Variants in TUBB3 observed in about 807,000 individuals in gnomAD.
The protein encoded by TUBB3 is tubulin beta-3 chain.
TUBB3 carries 17 observed loss-of-function variants against 37.8 expected under a neutral mutation model. That is an observed-to-expected ratio of 0.45 (90% CI 0.31 to 0.67). TUBB3 has a LOEUF of 0.67. Among genes scored for constraint, TUBB3 ranks in the 30% least tolerant of loss-of-function variants. The probability of loss-of-function intolerance (pLI) is 0.07; values close to 1 mark genes in which losing one functional copy is unlikely to be tolerated. For missense variants in TUBB3, 262 were observed against 657.9 expected (o/e 0.40, Z 6.58); for synonymous variants, 332 against 278.9 (o/e 1.19, Z -1.90).
intron 1 of TUBB3, among the ~76,000 whole-genome samples, chr16:89,929,182 T>C (rs1017765186): frequency 1.3e-5 from 2 of 151,410 alleles, no homozygotes; most frequent in South Asian, 4.2e-4. Flanking sequence ...AGGTTGGTCC[T>C]GAACTCCTGA....
chr16:89,934,218 C>T (rs1182295810), intron 3 of TUBB3: 19 of 411,830 alleles, frequency 4.6e-5, no homozygotes, highest in African/African-American at 2.9e-4. Context: ...ATGCCTGTGT[C>T]CTGGGGCGGG....
chr16:89,928,729 C>T (rs1396965369), intron 1 of TUBB3, among the ~76,000 whole-genome samples: 1 of 151,850 alleles, frequency 6.6e-6, no homozygotes, highest in East Asian at 1.9e-4. Flanking sequence ...TTTCACTGTG[C>T]CAGCCAGGAT....
chr16:89,931,930 G>T (rs985852946), intron 1 of TUBB3: 7 of 344,782 alleles, frequency 2.0e-5, no homozygotes, highest in African/African-American at 1.5e-4. Flanking sequence ...GACAGGCTGG[G>T]TGACCTCAGG....
At chr16:89,926,758 C>T (rs1406208590) in intron 1 of TUBB3, among the ~76,000 whole-genome samples, 2 of 151,638 alleles carry the variant, frequency 1.3e-5, no homozygotes. Context: ...GCTCTTGTTG[C>T]CCAGGCTGGA....
At chr16:89,923,575 C>A in intron 1 of TUBB3, 117 bp downstream of exon 1, 1 of 991,366 alleles carries the variant, frequency 1.0e-6, no homozygotes, top group Non-Finnish European at 1.3e-6. Context: ...CAAAGGGATG[C>A]GCCCAGCGCC....
intron 3 of TUBB3, chr16:89,934,267 G>T (rs565873803): frequency 2.2e-6 from 1 of 463,396 alleles, no homozygotes; most frequent in Non-Finnish European, 4.3e-6. Context: ...GTCCTGGGGC[G>T]GGGCCGTGGA....
At chr16:89,929,405 C>T (rs1256304738) in intron 1 of TUBB3, among the ~76,000 whole-genome samples, 1 of 152,142 alleles carries the variant, frequency 6.6e-6, no homozygotes, top group Non-Finnish European at 1.5e-5. Context: ...TGAACGGGCA[C>T]CTCTGATAAC....
rs990653226 is a variant in TUBB3, at chr16:89,931,311, T to C, written c.58-1260T>C. Among the ~76,000 whole-genome samples the C allele has an allele frequency of 3.9e-5, 6 of 152,358 alleles. No individual in the cohort carries two copies. In the East Asian group the frequency reaches 7.7e-4, roughly 20 times the overall value. ...TTCTTGAGGAATCTTCTGCAGCACA[T>C]GACTCACATGTAGAGCCCCTTGTTT... On this transcript the variant is annotated intron_variant, in intron 1 of 3. Coordinates refer to ENST00000315491, the MANE Select transcript of TUBB3 (RefSeq NM_006086.4).
chr16:89,934,591 C>A, intron 3 of TUBB3, 138 bp from the exon 4 acceptor site: 2 of 848,306 alleles, frequency 2.4e-6, no homozygotes, highest in South Asian at 1.6e-5. Flanking sequence ...AGAAGGGGTG[C>A]TCAGTGGGGC....
chr16:89,931,921 A>T, intron 1 of TUBB3: 1 of 359,778 alleles, frequency 2.8e-6, no homozygotes, highest in South Asian at 2.0e-5. Context: ...CCTCACACGG[A>T]CAGGCTGGGT....
At chr16:89,923,074 C>T (rs2029941121), upstream of TUBB3, among the ~76,000 whole-genome samples, 1 of 152,200 alleles carries the variant, frequency 6.6e-6, no homozygotes, top group African/African-American at 2.4e-5. Flanking sequence ...TCCCTGGAGC[C>T]CGGCGCCCCC....
In TUBB3 at chr16:89,933,597, A is replaced by G. The variant is rs2030346663; in HGVS notation, c.277+19A>G. The G allele has an allele frequency of 6.3e-7, 1 of 1,596,136 alleles. No homozygotes were observed. The highest frequency in any genetic ancestry group is 8.6e-7 in the Non-Finnish European group (1 of 1,163,746). On this transcript the variant is annotated intron_variant, in intron 3 of 3. Coordinates refer to ENST00000315491, the MANE Select transcript of TUBB3 (RefSeq NM_006086.4). Reference sequence around the variant, plus strand: ...ATCTTTGGTAAGTTCCCCCTGCTCCAAGCTCTGATGGCAGACCCCATCACA... The same window carrying G: ...ATCTTTGGTAAGTTCCCCCTGCTCCGAGCTCTGATGGCAGACCCCATCACA...
Position 89,935,753 on chromosome 16 carries a change from C to A in TUBB3, c.1302C>A (p.Gly434=), listed in dbSNP as rs765237258. 1.9e-6 allele frequency: 3 copies of A among 1,613,798 alleles called. 1 individual carries two copies. In the East Asian group the frequency reaches 6.7e-5, roughly 36 times the overall value. ...QYQDATAEEE[G]EMYEDDEEES... is the part of the protein sequence containing the mutation. ...AGGACGCCACGGCCGAGGAAGAGGG[C>A]GAGATGTACGAAGACGACGAGGAGG... Residue 434 remains glycine, a synonymous_variant, in exon 4 of 4, where the codon GGC becomes GGA. Coordinates refer to ENST00000315491, the MANE Select transcript of TUBB3 (RefSeq NM_006086.4).
chr16:89,935,847 C>G lies in TUBB3; in HGVS notation c.*43C>G. On this transcript the variant is annotated 3_prime_UTR_variant, in exon 4 of 4. Transcript: ENST00000315491. ...GTGAGAGGCAGGTGGCGGCCGGGGC[C>G]GAAGCCAGCAGTGTCTAAACCCCCG... is the stretch of plus-strand genomic sequence containing the variant. 2 of 1,585,058 alleles carry G rather than the reference C, an allele frequency of 1.3e-6. No homozygotes were observed. Among genetic ancestry groups the G allele is most frequent in the Non-Finnish European group, 1.7e-6 (2 of 1,165,190 alleles).
rs189432424 is a variant in TUBB3 at position 89,933,884 on chromosome 16, C to G, written c.277+306C>G. On this transcript the variant is annotated intron_variant, in intron 3 of 3. Transcript: ENST00000315491. ...CAGAGGACTCCGGGGTCCAGGAGCA[C>G]GAGGCCTTGCTGCGGTCAAGAGATC... 7.5e-6 allele frequency: 5 copies of G among 665,814 alleles called. No homozygotes were observed. The East Asian group carries it at 1.4e-4, about 18-fold the overall frequency. The allele number at this position is 665,814 out of a possible 1,614,324, so 41.2% of individuals were successfully genotyped here.
chr16:89,922,959 GA>G (rs1213859133), upstream of TUBB3, among the ~76,000 whole-genome samples: 2 of 152,200 alleles, frequency 1.3e-5, no homozygotes, highest in East Asian at 3.8e-4. Context: ...CCGGCGTGGG[GA>G]AAAAAGACCC....
chr16:89,935,594 C>T lies in TUBB3; in HGVS notation c.1143C>T (p.Ile381=). The part of the protein sequence containing the change: ...STAIQELFKR[I]SEQFTAMFRR... The stretch of plus-strand genomic sequence containing the variant: ...CCATCCAGGAGCTGTTCAAGCGCAT[C>T]TCCGAGCAGTTCACGGCCATGTTCC... Residue 381 remains isoleucine (I), a synonymous_variant, in exon 4 of 4, where the codon ATC becomes ATT. Transcript: ENST00000315491. 1 of 1,613,996 alleles carries T rather than the reference C, an allele frequency of 6.2e-7. No individual in the cohort carries two copies. The highest frequency in any genetic ancestry group is 8.5e-7 in the Non-Finnish European group (1 of 1,180,016).
intron 1 of TUBB3, among the ~76,000 whole-genome samples, chr16:89,930,097 C>A (rs113176575): frequency 7.4e-5 from 8 of 108,288 alleles, no homozygotes; most frequent in African/African-American, 5.8e-5. Context: ...TCCTTCATTC[C>A]TTCCTTCCTT....
At chr16:89,934,589 T>C (rs1000459664) in intron 3 of TUBB3, 140 bp from the exon 4 acceptor site, 2 of 819,174 alleles carry the variant, frequency 2.4e-6, no homozygotes, top group African/African-American at 1.7e-5. Context: ...TGAGAAGGGG[T>C]GCTCAGTGGG....
Sources: gnomAD v4.1 joint callset for allele counts (sites outside exome capture counted in the v4.1 genomes callset) on GRCh38, gnomAD v4.1.1 for gene constraint, MANE v1.5 for transcripts, NCBI Gene and HGNC (gene_info 2026-07-23, HGNC 2026-07-21) for gene names.